IRAK4: variants seen among roughly 807,000 people sequenced by gnomAD.
IRAK4 encodes interleukin-1 receptor-associated kinase 4.
A neutral mutation model predicts 51.8 loss-of-function variants in IRAK4; 44 were observed. The ratio of observed to expected loss-of-function variants is 0.85; its 90% CI spans 0.67 to 1.09. The LOEUF (loss-of-function observed/expected upper bound fraction) is 1.09, where lower values mean the gene tolerates loss of function less well. Among genes scored for constraint, IRAK4 ranks in the 50% least tolerant of loss-of-function variants. The pLI is 0.00. For missense variants in IRAK4, 487 were observed against 538.0 expected (o/e 0.91, Z 0.94); for synonymous variants, 149 against 174.1 (o/e 0.86, Z 1.13).
At chr12:43,760,769 T>C (rs1430603464) in intron 1 of IRAK4, among the ~76,000 whole-genome samples, 1 of 152,252 alleles carries the variant, frequency 6.6e-6, no homozygotes, top group African/African-American at 2.4e-5. Context: ...CTATTTCGTT[T>C]TGTTCTTTCA....
chr12:43,771,318 T>A lies in IRAK4; in HGVS notation c.260T>A (p.Leu87His). Residue 87 changes from leucine (L) to histidine (H), a missense_variant, in exon 3 of 12, where the codon CTT (leucine) becomes CAT (histidine). By Grantham distance (99) the Leu-to-His change is moderately conservative. Transcript: ENST00000613694. ...TNCTVGDLVDLLIQNEFFAPA... is the reference protein window; with the variant it reads ...TNCTVGDLVDHLIQNEFFAPA... ...TGCACAGTTGGTGATCTTGTGGATC[T>A]TTTGATCCAAAATGAATTTTTTGCT... The A allele has an allele frequency of 6.2e-7, 1 of 1,614,170 alleles. No homozygotes were observed.
At chr12:43,762,403 C>G (rs765332851) in intron 1 of IRAK4, among the ~76,000 whole-genome samples, 1 of 152,136 alleles carries the variant, frequency 6.6e-6, no homozygotes, top group African/African-American at 2.4e-5. Context: ...TATAAGACTA[C>G]TAAGCAGTTC....
Position 43,772,906 on chromosome 12 carries a change from A to G in IRAK4, c.491-6A>G, listed in dbSNP as rs775622080. The G allele has an allele frequency of 2.5e-6, 4 of 1,595,242 alleles. No homozygotes were observed. The highest frequency in any genetic ancestry group is 3.4e-6 in the Non-Finnish European group (4 of 1,167,700). Reference sequence around the variant, plus strand: ...ATTTAAGCATGTTTTTCTTATTTTGACATAGGTTTTCACAGTTTTTCATTT... The same window carrying G: ...ATTTAAGCATGTTTTTCTTATTTTGGCATAGGTTTTCACAGTTTTTCATTT... On this transcript the variant is annotated splice_polypyrimidine_tract_variant and splice_region_variant and intron_variant, in intron 4 of 11. Coordinates refer to ENST00000613694, the MANE Select transcript of IRAK4 (RefSeq NM_016123.4).
rs11182257 is a variant in IRAK4 at position 43,768,552 on chromosome 12, G to A, written c.161+280G>A. Reference sequence around the variant, plus strand: ...TGGTTCCCTGTTTGGCAAGCCAAGTGAAGTTCACTCTGCCTCACACTTCTC... The same window carrying A: ...TGGTTCCCTGTTTGGCAAGCCAAGTAAAGTTCACTCTGCCTCACACTTCTC... On this transcript the variant is annotated intron_variant, in intron 2 of 11. Transcript: ENST00000613694. 717 of 290,316 alleles carry A rather than the reference G, an allele frequency of 2.5e-3. 5 individuals are homozygous for A. The highest frequency in any genetic ancestry group is 0.014 in the African/African-American group (656 of 46,334). The allele number at this position is 290,316 out of a possible 1,614,324, so 18.0% of individuals were successfully genotyped here. A position where few individuals can be genotyped will look rare whatever the true frequency, so the allele number is the denominator to read the frequency against.
rs1461089241 is a variant in IRAK4, at chr12:43,774,006, T to C, written c.693T>C (p.Asp231=). 1 of 1,610,712 alleles carries C rather than the reference T, an allele frequency of 6.2e-7. No homozygotes were observed. Among genetic ancestry groups the C allele is most frequent in the South Asian group, 1.1e-5 (1 of 91,028 alleles). Residue 231 remains aspartate, a synonymous_variant, in exon 6 of 12, where the codon GAT becomes GAC. Coordinates refer to ENST00000613694, the MANE Select transcript of IRAK4 (RefSeq NM_016123.4). ...CTGAAGAACTGAAACAGCAGTTTGA[T>C]CAAGAAATAAAAGTAATGGCAAAGT... ...ITTEELKQQF[D]QEIKVMAKCQ...
In IRAK4 at chr12:43,786,860, T is replaced by C. The variant is rs1341884030; in HGVS notation, c.*145T>C. On this transcript the variant is annotated 3_prime_UTR_variant, in exon 12 of 12. Coordinates refer to ENST00000613694, the MANE Select transcript of IRAK4 (RefSeq NM_016123.4). ...GTGGTTATTAAAGCATGGGTTGAAC[T>C]TCCAAAATATAAAAATAGAGCCACC... is the stretch of plus-strand genomic sequence containing the variant. The C allele has an allele frequency of 1.4e-6, 1 of 693,204 alleles. No individual in the cohort carries two copies. The highest frequency in any genetic ancestry group is 2.7e-5 in the East Asian group (1 of 37,424). The allele number at this position is 693,204 out of a possible 1,614,324, so 42.9% of individuals were successfully genotyped here. A position where few individuals can be genotyped will look rare whatever the true frequency, so the allele number is the denominator to read the frequency against.
chr12:43,776,075 C>T (rs866326370), intron 6 of IRAK4, among the ~76,000 whole-genome samples: 3 of 151,594 alleles, frequency 2.0e-5, no homozygotes, highest in Admixed American at 1.3e-4. Context: ...TTAGTAGAGA[C>T]GGGGTTTCAC....
At chr12:43,767,258 T>C (rs999317681) in intron 1 of IRAK4, among the ~76,000 whole-genome samples, 3 of 152,138 alleles carry the variant, frequency 2.0e-5, no homozygotes, top group African/African-American at 7.2e-5. Flanking sequence ...AGTAAAGGTA[T>C]GAAATAGTCA....
At position 43,768,037 on chromosome 12, in the gene IRAK4, T is replaced by TATA. The variant is rs1252425041; in HGVS notation, c.-9-64_-9-62dup. ...TCATATGATATAGCAAAGTGTGATA[T>TATA]ATAAGCTTACAGATGTCATCTCTAA... On this transcript the variant is annotated intron_variant, in intron 1 of 11. Transcript: ENST00000613694. 1.4e-5 allele frequency: 17 copies of TATA among 1,181,858 alleles called. No individual in the cohort carries two copies. The East Asian group carries it at 3.8e-4, about 27-fold the overall frequency. 73.2% of individuals were successfully genotyped at this position (1,181,858 alleles called of 1,614,324 possible).
At chr12:43,786,652 C>A (rs368406042) in intron 11 of IRAK4, 28 bp from the exon 12 acceptor site, 261 of 1,611,890 alleles carry the variant, frequency 1.6e-4, no homozygotes, top group Middle Eastern at 3.3e-4. Flanking sequence ...TAATGTGGTT[C>A]TTTTGTTTTT....
At chr12:43,777,834 T>C (rs1185116381) in intron 7 of IRAK4, 90 bp downstream of exon 7, 1 of 1,079,978 alleles carries the variant, frequency 9.3e-7, no homozygotes, top group Non-Finnish European at 1.4e-6. Flanking sequence ...TTAAACCAAA[T>C]TCACTTTCAT....
In IRAK4 at chr12:43,780,632, C is replaced by T. The variant is rs4251579; in HGVS notation, c.942-1675C>T. Among the ~76,000 whole-genome samples the T allele has an allele frequency of 6.6e-3, 979 of 148,764 alleles. 1 individual carries two copies. Among genetic ancestry groups the T allele is most frequent in the Non-Finnish European group, 0.012 (778 of 67,636 alleles). ...TGTTGCCCAGGCTGGAGTGCGATGG[C>T]GCGGTCTTGGCTCACTGCAACCGTC... On this transcript the variant is annotated intron_variant, in intron 8 of 11. Coordinates refer to ENST00000613694, the MANE Select transcript of IRAK4 (RefSeq NM_016123.4).
At chr12:43,779,823 C>G (rs770663899) in intron 8 of IRAK4, among the ~76,000 whole-genome samples, 6 of 152,090 alleles carry the variant, frequency 3.9e-5, no homozygotes, top group Non-Finnish European at 7.4e-5. Flanking sequence ...AGATGGTAGA[C>G]AGTGTGATAT....
At chr12:43,782,245 A>G (rs999576530) in intron 8 of IRAK4, 62 bp from the exon 9 acceptor site, 9 of 1,046,630 alleles carry the variant, frequency 8.6e-6, no homozygotes, top group Non-Finnish European at 1.3e-5. Flanking sequence ...TAGCTAAGGA[A>G]CTGTTTGACT....
At position 43,778,202 on chromosome 12, in the gene IRAK4, C is replaced by T; in HGVS notation, c.841C>T (p.Pro281Ser). ...LDRLSCLDGTPPLSWHMRCKI... is the reference protein window; with the variant it reads ...LDRLSCLDGTSPLSWHMRCKI... ...TTTATTTCTTTATAAGGATGGTACTCCACCACTTTCTTGGCACATGAGATG... is the reference window on the plus strand; with the variant it reads ...TTTATTTCTTTATAAGGATGGTACTTCACCACTTTCTTGGCACATGAGATG... The change falls in exon 8 of 12, where the codon CCA becomes TCA. Residue 281 changes from proline to serine, a missense_variant. By Grantham distance (74) the Pro-to-Ser change is moderately conservative. Coordinates refer to ENST00000613694, the MANE Select transcript of IRAK4 (RefSeq NM_016123.4). 1 of 1,592,736 alleles carries T rather than the reference C, an allele frequency of 6.3e-7. No homozygotes were observed. Among genetic ancestry groups the T allele is most frequent in the South Asian group, 1.1e-5 (1 of 90,618 alleles).
At chr12:43,784,972 A>G (rs1419765046) in intron 10 of IRAK4, among the ~76,000 whole-genome samples, 1 of 152,110 alleles carries the variant, frequency 6.6e-6, no homozygotes, top group African/African-American at 2.4e-5. Context: ...GCTTCCTAGG[A>G]CTGTTATAAA....
chr12:43,781,181 A>T (rs577684145), intron 8 of IRAK4, among the ~76,000 whole-genome samples: 35 of 152,278 alleles, frequency 2.3e-4, no homozygotes, highest in African/African-American at 8.2e-4. Context: ...CTGTTGTGTG[A>T]GCCTCAAAAT....
chr12:43,777,720 A>G lies in IRAK4; in HGVS notation c.807A>G (p.Ser269=). 1.9e-6 allele frequency: 3 copies of G among 1,612,868 alleles called. No homozygotes were observed. Among genetic ancestry groups the G allele is most frequent in the Non-Finnish European group, 2.5e-6 (3 of 1,179,138 alleles). ...TATATGTTTACATGCCTAATGGTTC[A>G]TTGCTAGACAGACTCTCTTGCTTGG... is the stretch of plus-strand genomic sequence containing the variant. The part of the protein sequence containing the change: ...CLVYVYMPNG[S]LLDRLSCLDG... The change falls in exon 7 of 12, where the codon TCA becomes TCG. Residue 269 remains serine, a synonymous_variant. Transcript: ENST00000613694.
chr12:43,767,501 C>T (rs953014390), intron 1 of IRAK4, among the ~76,000 whole-genome samples: 3 of 152,052 alleles, frequency 2.0e-5, no homozygotes, highest in African/African-American at 2.4e-5. Context: ...CAGGTTTTGG[C>T]GTAGTAGCAA....
Sources: gnomAD v4.1 joint callset for allele counts (sites outside exome capture counted in the v4.1 genomes callset) on GRCh38, gnomAD v4.1.1 for gene constraint, MANE v1.5 for transcripts, NCBI Gene and HGNC (gene_info 2026-07-23, HGNC 2026-07-21) for gene names.